DLG2: variants seen among roughly 807,000 people sequenced by gnomAD.
DLG2 encodes disks large homolog 2.
Under a neutral mutation model 132.5 loss-of-function variants are expected in DLG2, and 45 were observed. The observed-to-expected ratio is 0.34, with a 90% CI of 0.27 to 0.44. DLG2 has a LOEUF of 0.44. Ranked by LOEUF, DLG2 falls within the 20% of genes least tolerant of loss-of-function variation. DLG2 has a pLI of 1.00. For missense variants in DLG2, 1,045 were observed against 1,196.9 expected, an observed-to-expected ratio of 0.87 and a Z score of 1.87; for synonymous variants, 424 against 419.6, an observed-to-expected ratio of 1.01 and a Z score of -0.13.
intron 7 of DLG2, among the ~76,000 whole-genome samples, chr11:84,371,833 T>A (rs1434713397): frequency 6.6e-6 from 1 of 152,192 alleles, no homozygotes; most frequent in Non-Finnish European, 1.5e-5. Flanking sequence ...GCATGGTATA[T>A]AAGGAAGATT....
chr11:85,019,902 A>G (rs2059896281), intron 6 of DLG2, among the ~76,000 whole-genome samples: 1 of 152,156 alleles, frequency 6.6e-6, no homozygotes. Context: ...GTTCTTTGCT[A>G]TCGTGAATAG....
chr11:85,298,965 A>C (rs2079417474), intron 3 of DLG2, among the ~76,000 whole-genome samples: 1 of 152,160 alleles, frequency 6.6e-6, no homozygotes, highest in Admixed American at 6.6e-5. Flanking sequence ...AATTTTAAAA[A>C]TTATTTCTAA....
chr11:84,523,122 C>T (rs913640563), intron 7 of DLG2, among the ~76,000 whole-genome samples: 3 of 152,152 alleles, frequency 2.0e-5, no homozygotes, highest in African/African-American at 7.2e-5. Context: ...CCAATCATTA[C>T]TGAGAGCTCA....
At chr11:85,056,216 C>T (rs2063442365) in intron 6 of DLG2, among the ~76,000 whole-genome samples, 1 of 151,954 alleles carries the variant, frequency 6.6e-6, no homozygotes, top group Non-Finnish European at 1.5e-5. Flanking sequence ...AATGGCATCC[C>T]TAAGATATGG....
At chr11:84,210,519 T>C (rs1046688712) in intron 8 of DLG2, among the ~76,000 whole-genome samples, 5 of 89,570 alleles carry the variant, frequency 5.6e-5, no homozygotes, top group Admixed American at 2.7e-4. Flanking sequence ...ACATGTACCC[T>C]AAAACTTAAA....
At chr11:85,035,160 C>G (rs2061343559) in intron 6 of DLG2, among the ~76,000 whole-genome samples, 1 of 152,168 alleles carries the variant, frequency 6.6e-6, no homozygotes, top group Non-Finnish European at 1.5e-5. Context: ...TTGACCTAAT[C>G]TGTCTAGAAT....
intron 4 of DLG2, among the ~76,000 whole-genome samples, chr11:85,271,069 C>G (rs890182628): frequency 1.3e-5 from 2 of 152,092 alleles, no homozygotes; most frequent in African/African-American, 4.8e-5. Flanking sequence ...TGTCAGAGAC[C>G]TTGGCTCAGA....
chr11:84,711,033 G>T (rs4491251), intron 6 of DLG2, among the ~76,000 whole-genome samples: 10,262 of 65,304 alleles, frequency 0.16, 975 homozygotes, highest in African/African-American at 0.5. Flanking sequence ...TATATATATA[G>T]AGCTGAAAAA....
chr11:84,426,906 G>A (rs538333849), intron 7 of DLG2, among the ~76,000 whole-genome samples: 148 of 152,200 alleles, frequency 9.7e-4, no homozygotes, highest in African/African-American at 3.5e-3. Flanking sequence ...GGAGCAGGGG[G>A]ACAATATTTT....
intron 17 of DLG2, among the ~76,000 whole-genome samples, chr11:83,824,453 T>C (rs2051884031): frequency 6.6e-6 from 1 of 152,196 alleles, no homozygotes; most frequent in African/African-American, 2.4e-5. Flanking sequence ...ACTTTGTGAA[T>C]GTCTCTGAGC....
intron 7 of DLG2, among the ~76,000 whole-genome samples, chr11:84,296,778 G>A (rs534909965): frequency 6.6e-6 from 1 of 152,192 alleles, no homozygotes; most frequent in African/African-American, 2.4e-5. Context: ...GAAATAATAT[G>A]CTCAAAAAAG....
intron 7 of DLG2, among the ~76,000 whole-genome samples, chr11:84,485,086 A>G (rs966248783): frequency 6.6e-6 from 1 of 152,110 alleles, no homozygotes; most frequent in African/African-American, 2.4e-5. Flanking sequence ...CACAGCTAAC[A>G]TGGAGCCAGA....
At chr11:84,451,486 A>G (rs2099051478) in intron 7 of DLG2, among the ~76,000 whole-genome samples, 4 of 151,942 alleles carry the variant, frequency 2.6e-5, no homozygotes, top group Admixed American at 2.6e-4. Flanking sequence ...CATGTAAAAA[A>G]TGAAAGCGTT....
At chr11:84,261,612 T>C (rs78127148) in intron 7 of DLG2, among the ~76,000 whole-genome samples, 2,286 of 152,342 alleles carry the variant, frequency 0.015, 62 homozygotes, top group African/African-American at 0.052. Context: ...TTTTTATACA[T>C]GTTGATAGCT....
chr11:85,514,976 G>C (rs1231089555), intron 3 of DLG2, among the ~76,000 whole-genome samples: 1 of 151,872 alleles, frequency 6.6e-6, no homozygotes, highest in Admixed American at 6.6e-5. Flanking sequence ...ATTTCTGGGA[G>C]CTAAGGTAAA....
chr11:84,564,706 G>T (rs1592468485), intron 6 of DLG2, among the ~76,000 whole-genome samples: 1 of 152,212 alleles, frequency 6.6e-6, no homozygotes, highest in East Asian at 1.9e-4. Context: ...AAAATGGTTT[G>T]GGTTAAATAT....
chr11:84,295,609 T>G (rs373736410), intron 7 of DLG2, among the ~76,000 whole-genome samples: 1 of 152,186 alleles, frequency 6.6e-6, no homozygotes, highest in African/African-American at 2.4e-5. Flanking sequence ...CCTCATTTTA[T>G]AGTTGAGATG....
chr11:84,091,200 A>G (rs936542731), intron 10 of DLG2, among the ~76,000 whole-genome samples: 1 of 152,228 alleles, frequency 6.6e-6, no homozygotes, highest in Admixed American at 6.5e-5. Context: ...ATTTAAAAAG[A>G]AGTTCTATCA....
chr11:84,879,441 T>C (rs1439052157), intron 6 of DLG2, among the ~76,000 whole-genome samples: 4 of 152,156 alleles, frequency 2.6e-5, no homozygotes, highest in Admixed American at 2.0e-4. Context: ...GAAGGGCATT[T>C]AAGCTTATGT....
Sources: allele counts gnomAD v4.1 joint callset (sites outside exome capture counted in the v4.1 genomes callset), GRCh38; gene constraint gnomAD v4.1.1; transcripts MANE v1.5; gene names NCBI Gene and HGNC (gene_info 2026-07-23, HGNC 2026-07-21).